The following STARD9 variants were observed in gnomAD, a reference collection of about 807,000 sequenced individuals.
STARD9 encodes the protein StAR related lipid transfer domain containing 9.
A neutral mutation model predicts 399.8 loss-of-function variants in STARD9; 346 were observed. The observed-to-expected ratio is 0.87, with a 90% CI of 0.79 to 0.95. The LOEUF (loss-of-function observed/expected upper bound fraction) is 0.95, where lower values mean the gene tolerates loss of function less well. Ranked by LOEUF, STARD9 falls within the 40% of genes least tolerant of loss-of-function variation. The probability of loss-of-function intolerance (pLI) is 0.00; values close to 1 mark genes in which losing one functional copy is unlikely to be tolerated. For synonymous variants in STARD9, 2,203 were observed against 2,143.5 expected (o/e 1.03, Z -0.77); for missense variants, 5,832 against 5,667.5 (o/e 1.03, Z -0.93).
In STARD9 at chr15:42,682,229, C is replaced by T; in HGVS notation, c.2191C>T (p.Pro731Ser). ...ACTTGATGCTTGGCTTCAGACAGAT[C>T]CTGAGATTCAGCCATCCCCATTTGT... ...VALDAWLQTD[P>S]EIQPSPFVQS... Residue 731 changes from proline (P) to serine (S), a missense_variant, in exon 22 of 33, where the codon CCT (proline) becomes TCT (serine). Pro to Ser is a moderately conservative substitution (Grantham distance 74). This residue lies in a region of STARD9 where 5,828 missense variants were observed against 5,651.1 expected (regional missense o/e 1.03). Coordinates refer to ENST00000290607, the MANE Select transcript of STARD9 (RefSeq NM_020759.3). The T allele has an allele frequency of 6.5e-7, 1 of 1,537,250 alleles. No individual in the cohort carries two copies. Among genetic ancestry groups the T allele is most frequent in the Non-Finnish European group, 8.7e-7 (1 of 1,146,902 alleles).
chr15:42,590,448 A>T (rs1793263407), intron 3 of STARD9, among the ~76,000 whole-genome samples: 1 of 152,164 alleles, frequency 6.6e-6, no homozygotes, highest in African/African-American at 2.4e-5. Context: ...GAACTATCTA[A>T]ATTTCCCTTA....
intron 3 of STARD9, among the ~76,000 whole-genome samples, chr15:42,601,479 G>A (rs559750005): frequency 6.7e-4 from 101 of 149,708 alleles, no homozygotes; most frequent in Non-Finnish European, 9.2e-4. Flanking sequence ...ACGGGGCGGC[G>A]GCCGGGCGGG....
At chr15:42,582,364 G>T (rs1219681635) in intron 1 of STARD9, among the ~76,000 whole-genome samples, 3 of 152,134 alleles carry the variant, frequency 2.0e-5, no homozygotes, top group Non-Finnish European at 4.4e-5. Flanking sequence ...TAACATTTTG[G>T]TCATGAGTAC....
At chr15:42,580,267 A>C (rs889738648) in intron 1 of STARD9, among the ~76,000 whole-genome samples, 2 of 152,240 alleles carry the variant, frequency 1.3e-5, no homozygotes, top group Non-Finnish European at 2.9e-5. Context: ...CAAATACCTC[A>C]AGGTAAAAGG....
In STARD9 at chr15:42,693,954, C is replaced by T; in HGVS notation, c.12376C>T (p.Pro4126Ser). ...CTTCAGTTGCCAGATGTGCATGGCC[C>T]CTGAGCACCAGCACCACAGTCTGAG... is the stretch of plus-strand genomic sequence containing the variant. ...LCFSCQMCMAPEHQHHSLRDL... is the reference protein window; with the variant it reads ...LCFSCQMCMASEHQHHSLRDL... The change falls in exon 23 of 33, where the codon CCT becomes TCT. Residue 4126 changes from proline to serine, a missense_variant. Physicochemically the swap from Pro to Ser is moderately conservative, Grantham distance 74. Transcript: ENST00000290607. 5 of 1,504,896 alleles carry T rather than the reference C, an allele frequency of 3.3e-6. No homozygotes were observed. The highest frequency in any genetic ancestry group is 4.4e-6 in the Non-Finnish European group (5 of 1,128,764). The allele number at this position is 1,504,896 out of a possible 1,614,324, so 93.2% of individuals were successfully genotyped here. A position where few individuals can be genotyped will look rare whatever the true frequency, so the allele number is the denominator to read the frequency against.
At chr15:42,698,065 T>C (rs1206585217) in intron 26 of STARD9, among the ~76,000 whole-genome samples, 1 of 152,236 alleles carries the variant, frequency 6.6e-6, no homozygotes, top group Non-Finnish European at 1.5e-5. Context: ...TGTAACTCTA[T>C]TTGAATATGC....
intron 3 of STARD9, among the ~76,000 whole-genome samples, chr15:42,613,822 G>A (rs562858149): frequency 2.6e-5 from 4 of 151,924 alleles, no homozygotes; most frequent in Admixed American, 2.0e-4. Context: ...GAAGTTAGCC[G>A]GGTGTGGTGG....
chr15:42,589,434 A>C (rs1389264037), intron 3 of STARD9, among the ~76,000 whole-genome samples: 8 of 152,110 alleles, frequency 5.3e-5, no homozygotes, highest in East Asian at 3.9e-4. Flanking sequence ...CTATCATCCC[A>C]AAAATTGCTT....
intron 18 of STARD9, among the ~76,000 whole-genome samples, 183 bp downstream of exon 18, chr15:42,675,147 G>A (rs1410523410): frequency 1.3e-5 from 2 of 152,172 alleles, no homozygotes; most frequent in Non-Finnish European, 2.9e-5. Flanking sequence ...CAAAGTCTTG[G>A]AGTGAAGAAT....
At chr15:42,616,106 A>C (rs1019894338) in intron 3 of STARD9, among the ~76,000 whole-genome samples, 1 of 152,236 alleles carries the variant, frequency 6.6e-6, no homozygotes, top group Middle Eastern at 3.2e-3. Context: ...CAAAGAAAAA[A>C]TGTAATTGTG....
At chr15:42,652,635 G>C in intron 9 of STARD9, 43 bp downstream of exon 9, 1 of 1,480,944 alleles carries the variant, frequency 6.8e-7, no homozygotes, top group Non-Finnish European at 9.1e-7. Flanking sequence ...TCCTCTCCTT[G>C]TACCTTTAAA....
intron 1 of STARD9, chr15:42,581,288 C>G: frequency 9.3e-7 from 1 of 1,080,678 alleles, no homozygotes; most frequent in Non-Finnish European, 1.4e-6. Flanking sequence ...GGGTCTGAGC[C>G]ATGGAAGAAC....
chr15:42,598,451 T>C (rs1173104725), intron 3 of STARD9, among the ~76,000 whole-genome samples: 1 of 152,146 alleles, frequency 6.6e-6, no homozygotes, highest in Non-Finnish European at 1.5e-5. Flanking sequence ...TTTTTTTTTT[T>C]TCCTGGCATG....
At chr15:42,591,127 A>G (rs2058384115) in intron 3 of STARD9, among the ~76,000 whole-genome samples, 1 of 152,180 alleles carries the variant, frequency 6.6e-6, no homozygotes, top group Non-Finnish European at 1.5e-5. Context: ...GCATTGTAGA[A>G]TGTTTAGCAG....
chr15:42,710,065 T>TG (rs1474422818), intron 26 of STARD9, among the ~76,000 whole-genome samples: 1 of 149,874 alleles, frequency 6.7e-6, no homozygotes, highest in East Asian at 1.9e-4. Context: ...GTCTTTTTTT[T>TG]TTTTTTTTTT....
At position 42,691,189 on chromosome 15, in the gene STARD9, A is replaced by G. The variant is rs961945383; in HGVS notation, c.9611A>G (p.Gln3204Arg). ...VARLKHTCSPQEDSPWQEEEQ... is the reference protein window; with the variant it reads ...VARLKHTCSPREDSPWQEEEQ... ...AGGTTAAAACATACCTGCAGCCCCC[A>G]GGAAGACAGTCCCTGGCAGGAAGAA... Residue 3204 changes from glutamine to arginine, a missense_variant, in exon 23 of 33, where the codon CAG becomes CGG. Physicochemically the swap from Gln to Arg is conservative, Grantham distance 43. This residue lies in a region of STARD9 where 5,828 missense variants were observed against 5,651.1 expected (regional missense o/e 1.03). Coordinates refer to ENST00000290607, the MANE Select transcript of STARD9 (RefSeq NM_020759.3). 6 of 1,537,158 alleles carry G rather than the reference A, an allele frequency of 3.9e-6. No individual in the cohort carries two copies. The highest frequency in any genetic ancestry group is 2.7e-5 in the African/African-American group (2 of 73,054).
At chr15:42,668,376 A>ATTT (rs5812230) in intron 15 of STARD9, among the ~76,000 whole-genome samples, 2 of 143,632 alleles carry the variant, frequency 1.4e-5, no homozygotes. Flanking sequence ...GCTAAATCTA[A>ATTT]TTTTTTTTTT....
chr15:42,577,542 C>T (rs1025168080), intron 1 of STARD9, among the ~76,000 whole-genome samples: 1 of 152,124 alleles, frequency 6.6e-6, no homozygotes, highest in African/African-American at 2.4e-5. Context: ...AATAACATAC[C>T]AAACAAAAGT....
chr15:42,684,022 G>C, intron 22 of STARD9, 94 bp from the exon 23 acceptor site: 1 of 1,350,800 alleles, frequency 7.4e-7, no homozygotes, highest in Non-Finnish European at 9.9e-7. Flanking sequence ...AAGTCTATAG[G>C]AGACAGTGAC....
Sources: gnomAD v4.1 joint callset for allele counts (sites outside exome capture counted in the v4.1 genomes callset) on GRCh38, gnomAD v4.1.1 for gene constraint, gnomAD v4.1.1 regional missense constraint, MANE v1.5 for transcripts, NCBI Gene and HGNC (gene_info 2026-07-23, HGNC 2026-07-21) for gene names.